The following PCDHGA5 variants were observed in gnomAD, a reference collection of about 807,000 sequenced individuals.
PCDHGA5 encodes protocadherin gamma-A5.
PCDHGA5 carries 36 observed loss-of-function variants against 56.7 expected under a neutral mutation model. The observed-to-expected ratio is 0.64, with a 90% CI of 0.49 to 0.84. The LOEUF is 0.84. PCDHGA5 is among the 40% of genes least tolerant of loss of function. The pLI, the probability that PCDHGA5 is intolerant of heterozygous loss-of-function variation, is 0.00. For synonymous variants in PCDHGA5, 563 were observed against 520.2 expected (o/e 1.08, Z -1.12); for missense variants, 1,305 against 1,201.5 (o/e 1.09, Z -1.27).
intron 1 of PCDHGA5, among the ~76,000 whole-genome samples, chr5:141,449,056 G>A (rs149442150): frequency 6.6e-6 from 1 of 152,068 alleles, no homozygotes; most frequent in African/African-American, 2.4e-5. Flanking sequence ...TCATAAATGA[G>A]CGCTATTGAA....
intron 1 of PCDHGA5, chr5:141,375,764 G>C (rs746447899): frequency 1.9e-6 from 3 of 1,614,234 alleles, no homozygotes; most frequent in Non-Finnish European, 1.7e-6. Flanking sequence ...CAATGCGCCC[G>C]AGATCCTGTA....
chr5:141,488,690 G>A (rs1292736219), intron 1 of PCDHGA5, among the ~76,000 whole-genome samples: 1 of 152,186 alleles, frequency 6.6e-6, no homozygotes, highest in African/African-American at 2.4e-5. Flanking sequence ...TCTCCCAGAA[G>A]GACAAGATTT....
chr5:141,381,826 C>CTTCTTTTTTTTTTTTT (rs1777532522), intron 1 of PCDHGA5, among the ~76,000 whole-genome samples: 2 of 74,284 alleles, frequency 2.7e-5, no homozygotes, highest in African/African-American at 6.2e-5. Context: ...CTTTCTTCTT[C>CTTCTTTTTTTTTTTTT]TTTTTTTTTT....
intron 1 of PCDHGA5, chr5:141,421,347 C>G: frequency 6.2e-7 from 1 of 1,613,948 alleles, no homozygotes; most frequent in Non-Finnish European, 8.5e-7. Flanking sequence ...CAGAAGAGAC[C>G]GAAAAGGGCT....
chr5:141,364,208 T>G lies in PCDHGA5; in HGVS notation c.-123T>G. On this transcript the variant is annotated 5_prime_UTR_variant, in exon 1 of 4. Coordinates refer to ENST00000518069, the MANE Select transcript of PCDHGA5 (RefSeq NM_018918.3). ...TACTAAACACACAGACCAGACAAGC[T>G]CCTACGAAAAGCCAACGCTCCACGC... The G allele has an allele frequency of 8.4e-7, 1 of 1,193,066 alleles. No homozygotes were observed. Among genetic ancestry groups the G allele is most frequent in the Non-Finnish European group, 1.1e-6 (1 of 874,872 alleles). The allele number at this position is 1,193,066 out of a possible 1,614,324, so 73.9% of individuals were successfully genotyped here.
At position 141,489,300 on chromosome 5, in the gene PCDHGA5, C is replaced by T; in HGVS notation, c.2422-5507C>T. 1 of 1,585,700 alleles carries T rather than the reference C, an allele frequency of 6.3e-7. No individual in the cohort carries two copies. The highest frequency in any genetic ancestry group is 1.3e-5 in the African/African-American group (1 of 74,388). On this transcript the variant is annotated intron_variant, in intron 1 of 3. Coordinates refer to ENST00000518069, the MANE Select transcript of PCDHGA5 (RefSeq NM_018918.3). This position sits in a 1 kb window ranked among gnomAD's most constrained non-coding sequence, Gnocchi z 4.5. The stretch of plus-strand genomic sequence containing the variant: ...AATGGCAAGTGCTGTGCATGTTGTC[C>T]TTGTGCTGCTGGGGCTGGGTGTCTG...
intron 1 of PCDHGA5, chr5:141,375,685 C>A (rs1771752072): frequency 6.2e-7 from 1 of 1,614,144 alleles, no homozygotes; most frequent in Non-Finnish European, 8.5e-7. Flanking sequence ...GGGTGACAGC[C>A]AGCGACAGCG....
intron 1 of PCDHGA5, 162 bp from the exon 2 acceptor site, chr5:141,494,645 G>A: frequency 1.1e-6 from 1 of 935,948 alleles, no homozygotes. Flanking sequence ...GAGACCTGAG[G>A]TGTATTTTGT....
At chr5:141,389,119 A>G (rs1561623119) in intron 1 of PCDHGA5, 16 of 1,614,066 alleles carry the variant, frequency 9.9e-6, no homozygotes, top group Admixed American at 1.7e-5. Context: ...GACCGCGAGC[A>G]GAATCCAGAG....
At chr5:141,378,359 C>G (rs1254608030) in intron 1 of PCDHGA5, 1 of 152,222 alleles carries the variant, frequency 6.6e-6, no homozygotes, top group Non-Finnish European at 1.5e-5. Context: ...CCCGTCTCTA[C>G]TAAAAATACA....
intron 1 of PCDHGA5, chr5:141,427,887 C>T (rs759734297): frequency 3.8e-6 from 6 of 1,565,908 alleles, no homozygotes; most frequent in South Asian, 1.1e-5. Flanking sequence ...GGCCCACGAC[C>T]AGGGCTCGCC....
At chr5:141,391,561 G>T (rs2092390304) in intron 1 of PCDHGA5, 2 of 152,026 alleles carry the variant, frequency 1.3e-5, no homozygotes. Flanking sequence ...TTTTCCATAT[G>T]CATAAGAAAA....
rs376466215 is a variant in PCDHGA5, at chr5:141,390,102, A to G, written c.2421+23351A>G. ...TAAATCCGAATCCGTGGTTCCCCCC[A>G]ACTACAGCGAGGGGACTTTGCCTTA... is the stretch of plus-strand genomic sequence containing the variant. On this transcript the variant is annotated intron_variant, in intron 1 of 3. Transcript: ENST00000518069. The G allele has an allele frequency of 4.3e-6, 7 of 1,613,886 alleles. No homozygotes were observed. The African/African-American group carries it at 6.7e-5, about 15-fold the overall frequency.
At chr5:141,484,352 T>A (rs112226980) in intron 1 of PCDHGA5, among the ~76,000 whole-genome samples, 8,127 of 152,270 alleles carry the variant, frequency 0.053, 445 homozygotes, top group African/African-American at 0.15. Context: ...TAATTTAGTG[T>A]ATCTAGTGTA....
intron 1 of PCDHGA5, among the ~76,000 whole-genome samples, chr5:141,457,253 T>C (rs986838327): frequency 1.4e-4 from 22 of 152,196 alleles, no homozygotes; most frequent in Admixed American, 1.4e-3. Flanking sequence ...CTTGCCAACA[T>C]ATAGAATTCC....
At chr5:141,404,912 C>T (rs761969782) in intron 1 of PCDHGA5, 31 of 1,613,946 alleles carry the variant, frequency 1.9e-5, no homozygotes, top group Non-Finnish European at 2.5e-5. Flanking sequence ...CCAGCCCCCT[C>T]TCTCGGCCAC....
chr5:141,377,938 A>T (rs1447195904), intron 1 of PCDHGA5: 1 of 152,228 alleles, frequency 6.6e-6, no homozygotes, highest in Non-Finnish European at 1.5e-5. Flanking sequence ...ACTGCTGCTT[A>T]TAGAGTGTGT....
Position 141,489,564 on chromosome 5 carries a change from G to A in PCDHGA5, c.2422-5243G>A, listed in dbSNP as rs375200685. The A allele has an allele frequency of 1.9e-6, 3 of 1,613,980 alleles. No homozygotes were observed. Among genetic ancestry groups the A allele is most frequent in the Non-Finnish European group, 1.7e-6 (2 of 1,180,020 alleles). On this transcript the variant is annotated intron_variant, in intron 1 of 3. Transcript: ENST00000518069. This position sits in a 1 kb window ranked among gnomAD's most constrained non-coding sequence, Gnocchi z 4.5. Reference sequence around the variant, plus strand: ...CCAGCTGCCTGCTGCCAGTGCAGGTGGTGACTGAACACCCCCTGGAGCTAA... The same window carrying A: ...CCAGCTGCCTGCTGCCAGTGCAGGTAGTGACTGAACACCCCCTGGAGCTAA...
At chr5:141,492,070 G>T (rs1408035481) in intron 1 of PCDHGA5, 1 of 477,946 alleles carries the variant, frequency 2.1e-6, no homozygotes. Context: ...CCTCCTAGGC[G>T]CCGGCTCCGG....
Sources: allele counts gnomAD v4.1 joint callset (sites outside exome capture counted in the v4.1 genomes callset), GRCh38; gene constraint gnomAD v4.1.1; non-coding constraint Gnocchi (gnomAD v3.1); transcripts MANE v1.5; gene names NCBI Gene and HGNC (gene_info 2026-07-23, HGNC 2026-07-21).